Variants in LARGE1 observed in about 807,000 individuals in gnomAD.
LARGE1 encodes LARGE xylosyl- and glucuronyltransferase 1.
A neutral mutation model predicts 87.6 loss-of-function variants in LARGE1; 43 were observed. That is an observed-to-expected ratio of 0.49 (90% confidence interval 0.38 to 0.63). The LOEUF is 0.63. Ranked by LOEUF, LARGE1 falls within the 30% of genes least tolerant of loss-of-function variation. The pLI, the probability that LARGE1 is intolerant of heterozygous loss-of-function variation, is 0.00. For synonymous variants in LARGE1, 434 were observed against 394.6 expected (o/e 1.10, Z -1.18); for missense variants, 802 against 1,000.2 (o/e 0.80, Z 2.67).
chr22:33,205,398 A>C (rs781778204), intron 11 of LARGE1, among the ~76,000 whole-genome samples: 81 of 152,272 alleles, frequency 5.3e-4, no homozygotes, highest in Non-Finnish European at 8.8e-4. Flanking sequence ...GCTGAGCACA[A>C]AGAGTTGAAC....
intron 6 of LARGE1, among the ~76,000 whole-genome samples, chr22:33,541,067 G>GGGGGGGGGGGGGGGT (rs2077186713): frequency 1.1e-5 from 1 of 92,944 alleles, no homozygotes; most frequent in African/African-American, 4.1e-5. Context: ...GGGGGGGGGG[G>GGGGGGGGGGGGGGGT]CGGGGGGCGG....
In LARGE1 at chr22:33,648,903, C is replaced by T. The variant is rs550780363; in HGVS notation, c.408+1464G>A. Among the ~76,000 whole-genome samples the T allele has an allele frequency of 2.6e-5, 4 of 152,218 alleles. 1 individual carries two copies. The East Asian group carries it at 7.7e-4, about 29-fold the overall frequency. ...CACTGCTGTTTCCCAACACATAAAA[C>T]AGAATGAGATACAAAACACGAGTGC... On this transcript the variant is annotated intron_variant, in intron 3 of 14. Coordinates refer to ENST00000397394, the MANE Select transcript of LARGE1 (RefSeq NM_133642.5).
intron 1 of LARGE1, among the ~76,000 whole-genome samples, chr22:33,839,097 T>G (rs1378283469): frequency 6.6e-6 from 1 of 152,174 alleles, no homozygotes; most frequent in Non-Finnish European, 1.5e-5. Flanking sequence ...GCTGAGTAAC[T>G]TATAAAGAAA....
At chr22:33,665,819 G>C (rs1222853196) in intron 2 of LARGE1, among the ~76,000 whole-genome samples, 2 of 152,056 alleles carry the variant, frequency 1.3e-5, no homozygotes, top group Non-Finnish European at 2.9e-5. Context: ...GTGAACCCAG[G>C]AGGCGGAGCT....
At chr22:33,751,925 AC>A (rs1458804787) in intron 2 of LARGE1, among the ~76,000 whole-genome samples, 1 of 151,948 alleles carries the variant, frequency 6.6e-6, no homozygotes, top group Non-Finnish European at 1.5e-5. Flanking sequence ...GCTAATTACT[AC>A]CTAATTACTA....
chr22:33,874,033 TCTC>T (rs1266566032), intron 1 of LARGE1, among the ~76,000 whole-genome samples: 1 of 151,700 alleles, frequency 6.6e-6, no homozygotes, highest in Non-Finnish European at 1.5e-5. Flanking sequence ...CCTTTATTCT[TCTC>T]CTCCTGTCCT....
intron 2 of LARGE1, among the ~76,000 whole-genome samples, chr22:33,712,048 G>T (rs566009628): frequency 6.6e-6 from 1 of 152,154 alleles, no homozygotes; most frequent in African/African-American, 2.4e-5. Context: ...ATTGAGTGGT[G>T]TGCCATTTTA....
intron 3 of LARGE1, among the ~76,000 whole-genome samples, chr22:33,637,424 C>T (rs1170079980): frequency 6.6e-6 from 1 of 152,152 alleles, no homozygotes; most frequent in African/African-American, 2.4e-5. Context: ...CTTGCCTTGG[C>T]CATGGTGTGG....
At chr22:33,398,990 A>T (rs929604311) in intron 7 of LARGE1, among the ~76,000 whole-genome samples, 3 of 152,160 alleles carry the variant, frequency 2.0e-5, no homozygotes, top group Admixed American at 2.0e-4. Context: ...TTTAAAAAAA[A>T]TTTATTTTAA....
chr22:33,535,788 C>T lies in LARGE1; in HGVS notation c.787+29060G>A, dbSNP rs901423736. ...TCAGCCCACTCCTTGCCTTGTTGCC[C>T]GGTGGGATCGCTGATCTGTGATGTC... On this transcript the variant is annotated intron_variant, in intron 6 of 14. Transcript: ENST00000397394. Among the ~76,000 whole-genome samples, 8 of 152,080 alleles carry T rather than the reference C, an allele frequency of 5.3e-5. No individual in the cohort carries two copies. The East Asian group carries it at 7.7e-4, about 15-fold the overall frequency.
At chr22:33,803,820 T>G (rs2086233951) in intron 1 of LARGE1, among the ~76,000 whole-genome samples, 2 of 152,188 alleles carry the variant, frequency 1.3e-5, no homozygotes, top group African/African-American at 4.8e-5. Flanking sequence ...TAGGCAGGCA[T>G]CCAAAATTGT....
chr22:33,182,705 A>G (rs1190366564), intron 11 of LARGE1, among the ~76,000 whole-genome samples: 2 of 152,242 alleles, frequency 1.3e-5, no homozygotes, highest in East Asian at 3.8e-4. Context: ...TACAGAATAC[A>G]CAGTGAGGGA....
At chr22:33,267,716 C>T (rs1928028787), downstream of LARGE1, among the ~76,000 whole-genome samples, 1 of 151,188 alleles carries the variant, frequency 6.6e-6, no homozygotes, top group Non-Finnish European at 1.5e-5. Context: ...CATAAAGAGG[C>T]CTCTATGCGC....
intron 11 of LARGE1, among the ~76,000 whole-genome samples, chr22:33,179,094 G>T (rs1005818045): frequency 6.6e-6 from 1 of 152,104 alleles, no homozygotes; most frequent in African/African-American, 2.4e-5. Context: ...CATCATGGGG[G>T]CCCCACCCTG....
At chr22:33,095,350 C>T in the LARGE1 span, among the ~76,000 whole-genome samples, 4 of 152,216 alleles carry the variant, frequency 2.6e-5, no homozygotes, top group South Asian at 8.3e-4. Context: ...TGTGTCACTT[C>T]AACCTCTGCT....
At chr22:33,872,242 A>G (rs9621786) in intron 1 of LARGE1, among the ~76,000 whole-genome samples, 23,462 of 151,704 alleles carry the variant, frequency 0.15, 1,907 homozygotes, top group South Asian at 0.31. Flanking sequence ...TGCCTTCATT[A>G]TTTGCACTGT....
At chr22:33,551,749 C>A (rs1286909147) in intron 6 of LARGE1, among the ~76,000 whole-genome samples, 6 of 152,162 alleles carry the variant, frequency 3.9e-5, no homozygotes, top group Non-Finnish European at 8.8e-5. Flanking sequence ...TACGCATCCA[C>A]AATAGCTGTG....
At chr22:33,217,928 C>CT (rs144182459) in intron 11 of LARGE1, among the ~76,000 whole-genome samples, 1 of 150,706 alleles carries the variant, frequency 6.6e-6, no homozygotes, top group East Asian at 1.9e-4. Flanking sequence ...CTTATCATAA[C>CT]TTTTTTTTTC....
chr22:33,472,322 G>A (rs1266117643), intron 6 of LARGE1, among the ~76,000 whole-genome samples: 1 of 152,152 alleles, frequency 6.6e-6, no homozygotes, highest in Non-Finnish European at 1.5e-5. Flanking sequence ...AGGAGACAAA[G>A]AGAGAGACAG....
Sources: gnomAD v4.1 joint callset for allele counts (sites outside exome capture counted in the v4.1 genomes callset) on GRCh38, gnomAD v4.1.1 for gene constraint, MANE v1.5 for transcripts, NCBI Gene and HGNC (gene_info 2026-07-23, HGNC 2026-07-21) for gene names.